The following CABIN1 variants were observed in gnomAD, a reference collection of about 807,000 sequenced individuals.
CABIN1 encodes calcineurin-binding protein cabin-1.
CABIN1 carries 133 observed loss-of-function variants against 227.7 expected under a neutral mutation model. That is an observed-to-expected ratio of 0.58 (90% CI 0.51 to 0.67). CABIN1 has a LOEUF of 0.67. Ranked by LOEUF, CABIN1 falls within the 30% of genes least tolerant of loss-of-function variation. CABIN1 has a pLI of 0.00. For synonymous variants in CABIN1, 1,086 were observed against 1,155.1 expected, an observed-to-expected ratio of 0.94 and a Z score of 1.21; for missense variants, 2,408 against 2,852.5, an observed-to-expected ratio of 0.84 and a Z score of 3.55.
chr22:24,016,965 A>G (rs567251742), intron 1 of CABIN1, among the ~76,000 whole-genome samples: 25 of 150,218 alleles, frequency 1.7e-4, no homozygotes, highest in African/African-American at 5.9e-4. Flanking sequence ...CCATTTGTCT[A>G]CCAGGTTTTT....
intron 29 of CABIN1, among the ~76,000 whole-genome samples, chr22:24,145,301 G>A (rs935456486): frequency 3.3e-5 from 5 of 152,210 alleles, no homozygotes; most frequent in Admixed American, 1.3e-4. Context: ...TGGGGCAGAG[G>A]CAGCAGGAGC....
intron 19 of CABIN1, among the ~76,000 whole-genome samples, chr22:24,077,871 C>T (rs191027016): frequency 8.5e-5 from 13 of 152,262 alleles, no homozygotes; most frequent in African/African-American, 3.1e-4. Context: ...TTTCATTTTT[C>T]TTAATCTGTG....
At position 24,084,618 on chromosome 22, in the gene CABIN1, T is replaced by A; in HGVS notation, c.2950T>A (p.Tyr984Asn). 6.2e-7 allele frequency: 1 copy of A among 1,614,128 alleles called. No individual in the cohort carries two copies. The highest frequency in any genetic ancestry group is 8.5e-7 in the Non-Finnish European group (1 of 1,180,006). Residue 984 changes from tyrosine (Y) to asparagine (N), a missense_variant, in exon 21 of 37, where the codon TAT (tyrosine) becomes AAT (asparagine). By Grantham distance (143) the Tyr-to-Asn change is moderately radical. Coordinates refer to ENST00000263119, the MANE Select transcript of CABIN1 (RefSeq NM_012295.4). Reference sequence around the variant, plus strand: ...GGAGGATGCACTGTTCATGTTTGAGTATTTTAAGCCCAAGACCCTTCCTGA... The same window carrying A: ...GGAGGATGCACTGTTCATGTTTGAGAATTTTAAGCCCAAGACCCTTCCTGA... ...IWEDALFMFE[Y>N]FKPKTLPEFD...
chr22:24,046,439 TTTC>T (rs2037887446), intron 6 of CABIN1, among the ~76,000 whole-genome samples: 1 of 152,128 alleles, frequency 6.6e-6, no homozygotes, highest in South Asian at 2.1e-4. Context: ...ACTCTAGCAG[TTTC>T]TTCTTCTGGA....
At chr22:24,122,764 A>G (rs1445080681) in intron 28 of CABIN1, among the ~76,000 whole-genome samples, 5 of 151,868 alleles carry the variant, frequency 3.3e-5, no homozygotes, top group African/African-American at 9.7e-5. Context: ...TTTAAGCACC[A>G]AAGTTTCAGA....
At chr22:24,162,681 T>TG (rs1400827151) in intron 29 of CABIN1, among the ~76,000 whole-genome samples, 2 of 152,188 alleles carry the variant, frequency 1.3e-5, no homozygotes, top group Non-Finnish European at 2.9e-5. Context: ...CACAATAGCA[T>TG]GGGGGTGGCC....
chr22:24,060,236 T>C, intron 12 of CABIN1, 95 bp downstream of exon 12: 1 of 1,207,242 alleles, frequency 8.3e-7, no homozygotes, highest in Non-Finnish European at 1.2e-6. Context: ...TGTGTTTGGC[T>C]GCATCTACTT....
In CABIN1 at chr22:24,060,175, C is replaced by T. The variant is rs777915713; in HGVS notation, c.1617+34C>T. 6.3e-6 allele frequency: 10 copies of T among 1,583,862 alleles called. No homozygotes were observed. In the African/African-American group the frequency reaches 1.2e-4, roughly 19 times the overall value. ...GAGCCTCTCAAGGGCTGGTATTGAA[C>T]TGGGACCAGGGCATGGGGACAGGGA... On this transcript the variant is annotated intron_variant, in intron 12 of 36. Transcript: ENST00000263119.
intron 26 of CABIN1, among the ~76,000 whole-genome samples, chr22:24,106,726 A>C (rs931940638): frequency 1.3e-5 from 2 of 152,164 alleles, no homozygotes; most frequent in Admixed American, 1.3e-4. Flanking sequence ...AGTCAGCTGT[A>C]CCAGAGAAAG....
At chr22:24,022,848 A>G (rs759829504) in intron 1 of CABIN1, among the ~76,000 whole-genome samples, 16 of 152,082 alleles carry the variant, frequency 1.1e-4, no homozygotes, top group Non-Finnish European at 2.4e-4. Context: ...CTTTTAATTT[A>G]TTTACTTGTC....
chr22:24,059,122 GC>G lies in CABIN1; in HGVS notation c.1263-104del. 2.0e-6 allele frequency: 3 copies of G among 1,472,492 alleles called. No individual in the cohort carries two copies. The South Asian group carries it at 3.5e-5, about 17-fold the overall frequency. 91.2% of individuals were successfully genotyped at this position (1,472,492 alleles called of 1,614,324 possible). Reference sequence around the variant, plus strand: ...TGGACCCCACCACCCACTTATTTTAGCTGCCTTCTTCCTGACTCAGATTTAG... The same window carrying G: ...TGGACCCCACCACCCACTTATTTTAGTGCCTTCTTCCTGACTCAGATTTAG... On this transcript the variant is annotated intron_variant, in intron 10 of 36. Coordinates refer to ENST00000263119, the MANE Select transcript of CABIN1 (RefSeq NM_012295.4).
rs544772246 is a variant in CABIN1 at position 24,083,222 on chromosome 22, C to G, written c.2749-6C>G. 45 of 1,612,108 alleles carry G rather than the reference C, an allele frequency of 2.8e-5. No homozygotes were observed. The highest frequency in any genetic ancestry group is 3.2e-5 in the Non-Finnish European group (38 of 1,179,948). The stretch of plus-strand genomic sequence containing the variant: ...CACCTCAGGCCATCTCTTCTGCCCA[C>G]CACAGGTGCGAGTACTCCAGAAGGA... On this transcript the variant is annotated splice_region_variant and splice_polypyrimidine_tract_variant and intron_variant, in intron 19 of 36. Transcript: ENST00000263119.
chr22:24,155,606 A>G (rs1381543030), intron 29 of CABIN1, among the ~76,000 whole-genome samples: 2 of 152,178 alleles, frequency 1.3e-5, no homozygotes, highest in Non-Finnish European at 2.9e-5. Context: ...TGTAACAGCA[A>G]GGACAGCTCG....
Position 24,177,677 on chromosome 22 carries a change from C to T in CABIN1, c.6379C>T (p.Arg2127Cys), listed in dbSNP as rs759836190. The change falls in exon 36 of 37, where the codon CGC becomes TGC. Residue 2127 changes from arginine (R) to cysteine (C), a missense_variant. Coordinates refer to ENST00000263119, the MANE Select transcript of CABIN1 (RefSeq NM_012295.4). This position sits in a 1 kb window ranked among gnomAD's most constrained non-coding sequence, Gnocchi z 4.4. Reference protein sequence around the residue: ...GKPEPSRAKSRPLPNMPKLVI... With the variant: ...GKPEPSRAKSCPLPNMPKLVI... ...GCCTGAGCCCAGCCGGGCTAAGTCC[C>T]GCCCCCTGCCCAACATGCCAAAGCT... 1.7e-5 allele frequency: 27 copies of T among 1,613,690 alleles called. No homozygotes were observed. The highest frequency in any genetic ancestry group is 3.3e-5 in the Admixed American group (2 of 59,980).
intron 17 of CABIN1, 57 bp from the exon 18 acceptor site, chr22:24,072,297 G>T (rs1352992402): frequency 6.3e-7 from 1 of 1,598,040 alleles, no homozygotes; most frequent in Non-Finnish European, 8.6e-7. Flanking sequence ...CCTTCAGTCT[G>T]CCCTGAAGGC....
chr22:24,065,352 C>T (rs2039560126), intron 15 of CABIN1, among the ~76,000 whole-genome samples: 1 of 149,484 alleles, frequency 6.7e-6, no homozygotes, highest in South Asian at 2.1e-4. Flanking sequence ...CAGAGGCGCT[C>T]CTCACATCTC....
In CABIN1 at chr22:24,035,456, C is replaced by G. The variant is rs760707363; in HGVS notation, c.-62C>G. Reference sequence around the variant, plus strand: ...ATTTCCTTTCTAGGAGAGTTGTGGACTGGGGCAACCTTTGCCAGTGATGAG... The same window carrying G: ...ATTTCCTTTCTAGGAGAGTTGTGGAGTGGGGCAACCTTTGCCAGTGATGAG... On this transcript the variant is annotated 5_prime_UTR_variant, in exon 2 of 37. Coordinates refer to ENST00000263119, the MANE Select transcript of CABIN1 (RefSeq NM_012295.4). 18 of 1,611,908 alleles carry G rather than the reference C, an allele frequency of 1.1e-5. No individual in the cohort carries two copies. Among genetic ancestry groups the G allele is most frequent in the Non-Finnish European group, 1.3e-5 (15 of 1,178,054 alleles).
intron 1 of CABIN1, among the ~76,000 whole-genome samples, chr22:24,022,744 G>A (rs1009855496): frequency 3.3e-5 from 5 of 152,156 alleles, no homozygotes; most frequent in Non-Finnish European, 7.4e-5. Flanking sequence ...GGCATTATCA[G>A]TTTTTAAAAA....
Position 24,055,123 on chromosome 22 carries a change from C to T in CABIN1, c.1057C>T (p.His353Tyr), listed in dbSNP as rs1344254909. The T allele has an allele frequency of 2.5e-6, 4 of 1,613,802 alleles. No homozygotes were observed. In the Admixed American group the frequency reaches 5.0e-5, roughly 20 times the overall value. ...TGTGGCTACAACCAGCTTCCCACTG[C>T]ACAGTCCTGGTCTGTTGGAGACAGG... ...TSVATTSFPLHSPGLLETGAP... is the reference protein window; with the variant it reads ...TSVATTSFPLYSPGLLETGAP... The change falls in exon 9 of 37, where the codon CAC becomes TAC. Residue 353 changes from histidine (H) to tyrosine (Y), a missense_variant. This residue lies in a region of CABIN1 where 1,045 missense variants were observed against 1,168.4 expected (regional missense o/e 0.89). Coordinates refer to ENST00000263119, the MANE Select transcript of CABIN1 (RefSeq NM_012295.4).
Sources: gnomAD v4.1 joint callset for allele counts (sites outside exome capture counted in the v4.1 genomes callset) on GRCh38, gnomAD v4.1.1 for gene constraint, gnomAD v4.1.1 regional missense constraint, Gnocchi (gnomAD v3.1) non-coding constraint, MANE v1.5 for transcripts, NCBI Gene and HGNC (gene_info 2026-07-23, HGNC 2026-07-21) for gene names.